TELO2: variants seen among roughly 807,000 people sequenced by gnomAD.
TELO2 encodes the protein telomere maintenance 2.
A neutral mutation model predicts 91.0 loss-of-function variants in TELO2; 71 were observed. That is an observed-to-expected ratio of 0.78 (90% CI 0.64 to 0.95). The LOEUF (loss-of-function observed/expected upper bound fraction) is 0.95, where lower values mean the gene tolerates loss of function less well. Among genes scored for constraint, TELO2 ranks in the 40% least tolerant of loss-of-function variants. The pLI is 0.00. For missense variants in TELO2, 1,183 were observed against 1,141.3 expected (o/e 1.04, Z -0.53); for synonymous variants, 584 against 518.9 (o/e 1.13, Z -1.71).
chr16:1,498,767 T>G (rs2141030067), intron 5 of TELO2, among the ~76,000 whole-genome samples: 1 of 152,320 alleles, frequency 6.6e-6, no homozygotes, highest in African/African-American at 2.4e-5. Context: ...CAGCCATATC[T>G]GTTTCCACAC....
In TELO2 at chr16:1,497,503, A is replaced by G. The variant is rs376705248; in HGVS notation, c.825A>G (p.Ala275=). ...TGCTGACCGGGCTGGTGGAGGCCGC[A>G]CTGGGGTAAGCAGCCAGGCTGTCCT... is the stretch of plus-strand genomic sequence containing the variant. ...EAVLTGLVEA[A]LGPEVLSRLL... is the part of the protein sequence containing the mutation. The change falls in exon 5 of 21, where the codon GCA becomes GCG. Residue 275 remains alanine, a synonymous_variant. Coordinates refer to ENST00000262319, the MANE Select transcript of TELO2 (RefSeq NM_016111.4). The surrounding 1 kb of genome is among the most constrained non-coding windows in gnomAD (Gnocchi z 4.0). The G allele has an allele frequency of 1.2e-5, 18 of 1,563,138 alleles. No individual in the cohort carries two copies. The highest frequency in any genetic ancestry group is 1.3e-5 in the Non-Finnish European group (15 of 1,158,168).
intron 9 of TELO2, among the ~76,000 whole-genome samples, chr16:1,501,027 C>G (rs899494428): frequency 1.3e-5 from 2 of 152,208 alleles, no homozygotes; most frequent in African/African-American, 2.4e-5. Context: ...GCAGCCAGGT[C>G]GCTCTGGGTC....
Position 1,499,255 on chromosome 16 carries a change from G to A in TELO2, c.855G>A (p.Leu285=), listed in dbSNP as rs1352778923. The A allele has an allele frequency of 2.5e-6, 4 of 1,613,926 alleles. No homozygotes were observed. Among genetic ancestry groups the A allele is most frequent in the Non-Finnish European group, 2.5e-6 (3 of 1,180,014 alleles). The change falls in exon 6 of 21, where the codon CTG becomes CTA. Residue 285 remains leucine, a synonymous_variant. Transcript: ENST00000262319. ...ALGPEVLSRL[L]GNLVVKNKKA... is the part of the protein sequence containing the mutation. ...GGCCTGAGGTCCTTTCGAGACTGCTGGGGAACCTGGTGGTGAAGAACAAGA... is the reference window on the plus strand; with the variant it reads ...GGCCTGAGGTCCTTTCGAGACTGCTAGGGAACCTGGTGGTGAAGAACAAGA...
chr16:1,499,112 T>C lies in TELO2; in HGVS notation c.831-119T>C. On this transcript the variant is annotated intron_variant, in intron 5 of 20. Transcript: ENST00000262319. ...GTCGGAGGATGGAACCAGAGGCTCGTGGCTAGGAATTGGCAGGCCGGGAGT... is the reference window on the plus strand; with the variant it reads ...GTCGGAGGATGGAACCAGAGGCTCGCGGCTAGGAATTGGCAGGCCGGGAGT... The C allele has an allele frequency of 1.1e-5, 10 of 948,496 alleles. No homozygotes were observed. In the South Asian group the frequency reaches 1.4e-4, roughly 13 times the overall value. 58.8% of individuals were successfully genotyped at this position (948,496 alleles called of 1,614,324 possible). A position where few individuals can be genotyped will look rare whatever the true frequency, so the allele number is the denominator to read the frequency against.
At chr16:1,495,233 C>A in intron 2 of TELO2, 113 bp from the exon 3 acceptor site, 1 of 1,395,828 alleles carries the variant, frequency 7.2e-7, no homozygotes, top group Non-Finnish European at 9.5e-7. Context: ...GGACTTCACG[C>A]TGGTTATGTT....
chr16:1,504,967 G>A (rs761503090), intron 15 of TELO2, among the ~76,000 whole-genome samples: 6 of 152,128 alleles, frequency 3.9e-5, no homozygotes, highest in Admixed American at 6.5e-5. Context: ...GGGAGCCTCC[G>A]GTCTGGCGCT....
intron 7 of TELO2, 49 bp downstream of exon 7, chr16:1,500,213 C>A: frequency 6.4e-7 from 1 of 1,557,534 alleles, no homozygotes; most frequent in Non-Finnish European, 8.7e-7. Context: ...GGAGAAGAGC[C>A]GTGCGGGGCT....
chr16:1,509,785 G>A (rs1177945782), intron 20 of TELO2, 45 bp from the exon 21 acceptor site: 8 of 1,508,304 alleles, frequency 5.3e-6, no homozygotes, highest in East Asian at 2.4e-5. Flanking sequence ...GGGAGAATAC[G>A]CCCTCCACGC....
At position 1,494,222 on chromosome 16, in the gene TELO2, C is replaced by G; in HGVS notation, c.-36-24C>G. The G allele has an allele frequency of 6.6e-7, 1 of 1,524,136 alleles. No homozygotes were observed. The highest frequency in any genetic ancestry group is 2.3e-5 in the East Asian group (1 of 43,962). 94.4% of individuals were successfully genotyped at this position (1,524,136 alleles called of 1,614,324 possible). On this transcript the variant is annotated intron_variant, in intron 1 of 20. Coordinates refer to ENST00000262319, the MANE Select transcript of TELO2 (RefSeq NM_016111.4). The surrounding 1 kb of genome is among the most constrained non-coding windows in gnomAD (Gnocchi z 5.6). ...GTGTGGATTATTTCCGTGCCCCAAG[C>G]TGAGCCCTGTGTCCATGTCACAGGT...
intron 15 of TELO2, among the ~76,000 whole-genome samples, chr16:1,504,426 T>C (rs1184466812): frequency 1.6e-5 from 1 of 63,830 alleles, no homozygotes; most frequent in African/African-American, 7.4e-5. Flanking sequence ...AGAGCGAGAC[T>C]CCATCTCAAA....
At position 1,509,848 on chromosome 16, in the gene TELO2, CGGACGAGGACTGCA is replaced by C; in HGVS notation, c.2432_2445del (p.Glu811AlafsTer41). 1 of 1,612,218 alleles carries C rather than the reference CGGACGAGGACTGCA, an allele frequency of 6.2e-7. No individual in the cohort carries two copies. The highest frequency in any genetic ancestry group is 1.1e-5 in the South Asian group (1 of 90,856). On this transcript the variant is annotated frameshift_variant, in exon 21 of 21. Transcript: ENST00000262319. LOFTEE classifies it low-confidence loss of function (END_TRUNC). ...CTGGCAGACGTGGCTGAGAAAGACC[CGGACGAGGACTGCA>C]GGACGCTGGCACTGAGGGCCCTGCT...
chr16:1,495,519 G>A lies in TELO2; in HGVS notation c.509G>A (p.Arg170His), dbSNP rs574115070. ...VVALPDHLGN[R>H]LQQENLAEFF... ...GCCCTGCCCGATCACCTGGGCAACC[G>A]CCTGCAGCAGGAGAACTTGGCCGAG... The change falls in exon 3 of 21, where the codon CGC becomes CAC. Residue 170 changes from arginine to histidine, a missense_variant. Physicochemically the swap from Arg to His is conservative, Grantham distance 29. Coordinates refer to ENST00000262319, the MANE Select transcript of TELO2 (RefSeq NM_016111.4). The A allele has an allele frequency of 1.9e-6, 3 of 1,611,114 alleles. No homozygotes were observed. Among genetic ancestry groups the A allele is most frequent in the African/African-American group, 2.7e-5 (2 of 75,054 alleles).
rs779245035 is a variant in TELO2 at position 1,506,937 on chromosome 16, C to T, written c.2127-15C>T. On this transcript the variant is annotated splice_polypyrimidine_tract_variant and intron_variant, in intron 17 of 20. Transcript: ENST00000262319. ...GAGGCACCCGCTGCACCTTGGGCTC[C>T]ATCCTGTGCTCTAGGCCTCTGGTGA... The T allele has an allele frequency of 3.7e-6, 6 of 1,600,358 alleles. No individual in the cohort carries two copies. In the South Asian group the frequency reaches 6.7e-5, roughly 18 times the overall value.
chr16:1,509,775 G>A (rs2040065703), intron 20 of TELO2, 55 bp from the exon 21 acceptor site: 3 of 1,500,232 alleles, frequency 2.0e-6, no homozygotes, highest in Admixed American at 1.9e-5. Flanking sequence ...GACAGGAGGA[G>A]GGAGAATACG....
chr16:1,507,652 G>A lies in TELO2; in HGVS notation c.2343G>A (p.Leu781=), dbSNP rs1229958101. 4 of 1,601,620 alleles carry A rather than the reference G, an allele frequency of 2.5e-6. No individual in the cohort carries two copies. In the South Asian group the frequency reaches 4.4e-5, roughly 18 times the overall value. ...LSAVSSVLLS[L]PAARLLEDLM... Reference sequence around the variant, plus strand: ...CCGTCTCCTCCGTCCTGCTCAGCCTGCCTGCTGCGCGCCTGCTGGAGGACC... The same window carrying A: ...CCGTCTCCTCCGTCCTGCTCAGCCTACCTGCTGCGCGCCTGCTGGAGGACC... Residue 781 remains leucine, a synonymous_variant, in exon 20 of 21, where the codon CTG becomes CTA. Transcript: ENST00000262319.
chr16:1,497,855 C>G lies in TELO2; in HGVS notation c.830+347C>G, dbSNP rs1417020372. On this transcript the variant is annotated intron_variant, in intron 5 of 20. Transcript: ENST00000262319. The surrounding 1 kb of genome is among the most constrained non-coding windows in gnomAD (Gnocchi z 4.0). ...TGGTGATGGGCGGTGACTCACTTCC[C>G]CACGTCTTTGTGCAGGAGAATCAAG... 6.6e-6 allele frequency among the ~76,000 whole-genome samples: 1 copy of G among 152,118 alleles called. No individual in the cohort carries two copies. The highest frequency in any genetic ancestry group is 1.5e-5 in the Non-Finnish European group (1 of 68,032).
In TELO2 at chr16:1,497,114, G is replaced by A; in HGVS notation, c.682+10G>A. 2 of 1,613,928 alleles carry A rather than the reference G, an allele frequency of 1.2e-6. No individual in the cohort carries two copies. Among genetic ancestry groups the A allele is most frequent in the Non-Finnish European group, 1.7e-6 (2 of 1,179,950 alleles). On this transcript the variant is annotated intron_variant, in intron 4 of 20. Coordinates refer to ENST00000262319, the MANE Select transcript of TELO2 (RefSeq NM_016111.4). The surrounding 1 kb of genome is among the most constrained non-coding windows in gnomAD (Gnocchi z 4.0). ...GTCCACGGGAGGCAGCGTGAGTAGA[G>A]CAGTGCCTTCCTGCCCATCCTGCCC...
Position 1,506,279 on chromosome 16 carries a change from C to T in TELO2, c.2076C>T (p.Phe692=). The T allele has an allele frequency of 6.2e-7, 1 of 1,613,972 alleles. No homozygotes were observed. Among genetic ancestry groups the T allele is most frequent in the Non-Finnish European group, 8.5e-7 (1 of 1,180,020 alleles). Residue 692 remains phenylalanine, a synonymous_variant, in exon 17 of 21, where the codon TTC becomes TTT. Coordinates refer to ENST00000262319, the MANE Select transcript of TELO2 (RefSeq NM_016111.4). The part of the protein sequence containing the change: ...RQGPAGSPSR[F]NSVAGHFFFP... ...GCCCGGCAGGCAGCCCCAGCAGATT[C>T]AACTCCGTGGCCGGCCACTTCTTCT...
rs150053866 is a variant in TELO2 at position 1,497,458 on chromosome 16, G to C, written c.780G>C (p.Pro260=). Residue 260 remains proline (P), a synonymous_variant, in exon 5 of 21, where the codon CCG becomes CCC. Transcript: ENST00000262319. This position sits in a 1 kb window ranked among gnomAD's most constrained non-coding sequence, Gnocchi z 4.0. ...RVCWRLVEQV[P]DRAMEAVLTG... is the part of the protein sequence containing the mutation. ...GCTGGCGCCTGGTGGAGCAAGTGCC[G>C]GACCGGGCCATGGAGGCTGTGCTGA... is the stretch of plus-strand genomic sequence containing the variant. 4 of 1,573,230 alleles carry C rather than the reference G, an allele frequency of 2.5e-6. No individual in the cohort carries two copies. Among genetic ancestry groups the C allele is most frequent in the African/African-American group, 1.4e-5 (1 of 73,808 alleles).
Sources: allele counts gnomAD v4.1 joint callset (sites outside exome capture counted in the v4.1 genomes callset), GRCh38; gene constraint gnomAD v4.1.1; non-coding constraint Gnocchi (gnomAD v3.1); transcripts MANE v1.5; gene names NCBI Gene and HGNC (gene_info 2026-07-23, HGNC 2026-07-21).